Variants in CDH18 observed in about 807,000 individuals in gnomAD.
CDH18 encodes the protein cadherin-18.
A neutral mutation model predicts 67.9 loss-of-function variants in CDH18; 31 were observed. The ratio of observed to expected loss-of-function variants is 0.46; its 90% confidence interval spans 0.34 to 0.62. The LOEUF (loss-of-function observed/expected upper bound fraction) is 0.62, where lower values mean the gene tolerates loss of function less well. CDH18 is among the 20% of genes least tolerant of loss of function. CDH18 has a pLI of 0.01. For missense variants in CDH18, 890 were observed against 975.5 expected, an observed-to-expected ratio of 0.91 and a Z score of 1.17; for synonymous variants, 362 against 347.2, an observed-to-expected ratio of 1.04 and a Z score of -0.48.
intron 9 of CDH18, 42 bp from the exon 10 acceptor site, chr5:19,520,820 C>A: frequency 1.9e-6 from 3 of 1,603,728 alleles, no homozygotes; most frequent in Non-Finnish European, 2.6e-6. Context: ...TCCATGCACA[C>A]TTTAGAGGCT....
rs185455902 is a variant in CDH18 at position 20,560,716 on chromosome 5, T to C, written c.-580+14746A>G. On this transcript the variant is annotated intron_variant, in intron 1 of 14. Transcript: ENST00000507958. ...TCTACTAGACTAAGTTTAGGGTGAA[T>C]TGGAAATTATGCTTTATTGTTGTCA... 1.4e-3 allele frequency among the ~76,000 whole-genome samples: 215 copies of C among 152,194 alleles called. 2 individuals carry two copies. The highest frequency in any genetic ancestry group is 4.7e-3 in the African/African-American group (196 of 41,542).
At chr5:20,427,239 T>C (rs572517291) in intron 1 of CDH18, among the ~76,000 whole-genome samples, 1 of 151,342 alleles carries the variant, frequency 6.6e-6, no homozygotes, top group African/African-American at 2.5e-5. Context: ...ATTTGCTCTA[T>C]TTATACTGAA....
At chr5:19,868,737 G>T (rs1423991351) in intron 2 of CDH18, among the ~76,000 whole-genome samples, 1 of 152,102 alleles carries the variant, frequency 6.6e-6, no homozygotes, top group Non-Finnish European at 1.5e-5. Flanking sequence ...TTCCTCCCCA[G>T]TGCTCAATCC....
chr5:19,713,146 A>G (rs989822892), intron 5 of CDH18, among the ~76,000 whole-genome samples: 3 of 151,886 alleles, frequency 2.0e-5, no homozygotes, highest in African/African-American at 7.2e-5. Context: ...TGCAGGAGGC[A>G]TAGAGCGAGG....
chr5:20,234,980 A>G (rs1443449266), intron 2 of CDH18, among the ~76,000 whole-genome samples: 1 of 152,144 alleles, frequency 6.6e-6, no homozygotes, highest in Non-Finnish European at 1.5e-5. Context: ...AATCTACATG[A>G]ACTTAAAATG....
chr5:20,128,547 C>T (rs764188189), intron 2 of CDH18, among the ~76,000 whole-genome samples: 15 of 152,028 alleles, frequency 9.9e-5, no homozygotes, highest in Non-Finnish European at 1.9e-4. Context: ...GATGAATCAG[C>T]TCTTTTGCAA....
intron 2 of CDH18, among the ~76,000 whole-genome samples, chr5:20,090,033 A>G (rs915366579): frequency 2.6e-5 from 4 of 152,178 alleles, no homozygotes; most frequent in Non-Finnish European, 5.9e-5. Flanking sequence ...TCAGTAAATT[A>G]AATATAGCCC....
intron 2 of CDH18, among the ~76,000 whole-genome samples, chr5:19,923,855 C>A (rs1235168357): frequency 6.6e-6 from 1 of 152,178 alleles, no homozygotes; most frequent in Non-Finnish European, 1.5e-5. Flanking sequence ...ATTTAGGCTG[C>A]AGAAATTCTG....
At chr5:20,479,753 A>T (rs1475074380) in intron 1 of CDH18, among the ~76,000 whole-genome samples, 1 of 152,162 alleles carries the variant, frequency 6.6e-6, no homozygotes, top group Non-Finnish European at 1.5e-5. Flanking sequence ...AGAAATTTTC[A>T]AATCTAGAGA....
At chr5:19,754,887 A>G (rs1771322980) in intron 3 of CDH18, among the ~76,000 whole-genome samples, 1 of 152,176 alleles carries the variant, frequency 6.6e-6, no homozygotes, top group Non-Finnish European at 1.5e-5. Context: ...ATACATGGAA[A>G]TTAAATAACC....
intron 2 of CDH18, among the ~76,000 whole-genome samples, chr5:20,118,579 C>T (rs1226749521): frequency 6.6e-6 from 1 of 152,154 alleles, no homozygotes; most frequent in Non-Finnish European, 1.5e-5. Flanking sequence ...CTTTGTATCT[C>T]TCCAGACTTA....
At chr5:19,951,876 T>C (rs1795823402) in intron 2 of CDH18, among the ~76,000 whole-genome samples, 1 of 152,128 alleles carries the variant, frequency 6.6e-6, no homozygotes, top group Non-Finnish European at 1.5e-5. Context: ...TTCAAAAATA[T>C]CAAATCTGTT....
chr5:20,233,875 T>A (rs1053706978), intron 2 of CDH18, among the ~76,000 whole-genome samples: 1 of 152,152 alleles, frequency 6.6e-6, no homozygotes, highest in African/African-American at 2.4e-5. Flanking sequence ...GAAGTCTATT[T>A]ATCACCTTCT....
chr5:19,491,956 A>G (rs762259709), intron 11 of CDH18, among the ~76,000 whole-genome samples: 4 of 152,108 alleles, frequency 2.6e-5, no homozygotes, highest in Non-Finnish European at 5.9e-5. Context: ...TGTTATGTTG[A>G]CTCATTTATT....
At chr5:20,487,944 CTG>C (rs375478580) in intron 1 of CDH18, among the ~76,000 whole-genome samples, 1 of 152,214 alleles carries the variant, frequency 6.6e-6, no homozygotes, top group African/African-American at 2.4e-5. Flanking sequence ...ACATGAGACA[CTG>C]TGGAAGTCTC....
intron 2 of CDH18, among the ~76,000 whole-genome samples, chr5:20,157,923 T>C (rs150194976): frequency 1.7e-4 from 26 of 152,024 alleles, no homozygotes; most frequent in African/African-American, 6.3e-4. Context: ...TACAGGCATG[T>C]GCCAACCCAA....
At chr5:19,963,490 A>G (rs149342069) in intron 2 of CDH18, among the ~76,000 whole-genome samples, 485 of 152,102 alleles carry the variant, frequency 3.2e-3, no homozygotes, top group Non-Finnish European at 5.2e-3. Context: ...GGATGGTTAC[A>G]CTTATGATGC....
chr5:20,155,401 C>A (rs910016063), intron 2 of CDH18, among the ~76,000 whole-genome samples: 10 of 152,140 alleles, frequency 6.6e-5, no homozygotes, highest in African/African-American at 2.4e-4. Context: ...TCTTTGCCCA[C>A]TTTAAAATAG....
intron 2 of CDH18, among the ~76,000 whole-genome samples, chr5:19,978,923 CACAAGTTACAGCG>C (rs1343553316): frequency 6.6e-6 from 1 of 152,092 alleles, no homozygotes; most frequent in Non-Finnish European, 1.5e-5. Flanking sequence ...GTAATATAAT[CACAAGTTACAGCG>C]ATTAGTATGT....
Sources: gnomAD v4.1 joint callset for allele counts (sites outside exome capture counted in the v4.1 genomes callset) on GRCh38, gnomAD v4.1.1 for gene constraint, MANE v1.5 for transcripts, NCBI Gene and HGNC (gene_info 2026-07-23, HGNC 2026-07-21) for gene names.